LARGE1: variants seen among roughly 807,000 people sequenced by gnomAD.
LARGE1 encodes xylosyl- and glucuronyltransferase LARGE1.
LARGE1 carries 43 observed loss-of-function variants against 87.6 expected under a neutral mutation model. The observed-to-expected ratio is 0.49, with a 90% CI of 0.38 to 0.63. LARGE1 has a LOEUF of 0.63. Among genes scored for constraint, LARGE1 ranks in the 30% least tolerant of loss-of-function variants. The pLI is 0.00. For missense variants in LARGE1, 802 were observed against 1,000.2 expected (o/e 0.80, Z 2.67); for synonymous variants, 434 against 394.6 (o/e 1.10, Z -1.18).
At chr22:33,827,855 G>A (rs566425045) in intron 1 of LARGE1, among the ~76,000 whole-genome samples, 14 of 152,238 alleles carry the variant, frequency 9.2e-5, no homozygotes, top group Middle Eastern at 3.4e-3. Context: ...CTAGAGTTTC[G>A]GATTATAGAG....
chr22:33,642,733 A>AAAAAAAAAAAAT (rs2080480874), intron 3 of LARGE1, among the ~76,000 whole-genome samples: 1 of 149,344 alleles, frequency 6.7e-6, no homozygotes, highest in African/African-American at 2.5e-5. Flanking sequence ...AAAAAAAAAA[A>AAAAAAAAAAAAT]AAGGCAGGAG....
the LARGE1 span, among the ~76,000 whole-genome samples, chr22:33,075,482 C>T: frequency 6.6e-6 from 1 of 152,206 alleles, no homozygotes; most frequent in East Asian, 1.9e-4. Context: ...GAGAAATTGT[C>T]TCATTATTCC....
chr22:33,595,995 T>A (rs1432519147), intron 5 of LARGE1, among the ~76,000 whole-genome samples: 1 of 152,192 alleles, frequency 6.6e-6, no homozygotes, highest in East Asian at 1.9e-4. Flanking sequence ...CAGGGTCCTT[T>A]GGGAGGTAAT....
At chr22:33,658,773 A>T (rs1369349681) in intron 2 of LARGE1, among the ~76,000 whole-genome samples, 2 of 152,166 alleles carry the variant, frequency 1.3e-5, no homozygotes, top group Non-Finnish European at 2.9e-5. Flanking sequence ...TTTGTAACAG[A>T]ATGATTTATA....
intron 2 of LARGE1, among the ~76,000 whole-genome samples, chr22:33,677,820 T>C (rs1329498265): frequency 1.3e-5 from 2 of 152,202 alleles, no homozygotes; most frequent in Non-Finnish European, 2.9e-5. Flanking sequence ...ATTAGTCACA[T>C]GGGAGCACAA....
At chr22:33,220,263 G>T (rs1185192104) in intron 11 of LARGE1, among the ~76,000 whole-genome samples, 2 of 152,160 alleles carry the variant, frequency 1.3e-5, no homozygotes, top group Admixed American at 1.3e-4. Flanking sequence ...ATCTCTCTAG[G>T]GAGAGATATT....
chr22:33,167,880 A>T (rs1922355748), intron 11 of LARGE1, among the ~76,000 whole-genome samples: 1 of 152,130 alleles, frequency 6.6e-6, no homozygotes, highest in South Asian at 2.1e-4. Context: ...GCCTCAGGAG[A>T]TAATGTCAGA....
chr22:33,486,748 C>T (rs2069597916), intron 6 of LARGE1, among the ~76,000 whole-genome samples: 1 of 152,164 alleles, frequency 6.6e-6, no homozygotes, highest in Non-Finnish European at 1.5e-5. Context: ...TTGATCTAGT[C>T]ATCTTCATTG....
chr22:33,421,242 CAATA>C (rs1273919781), intron 7 of LARGE1, among the ~76,000 whole-genome samples: 4 of 145,098 alleles, frequency 2.8e-5, no homozygotes, highest in Admixed American at 1.4e-4. Flanking sequence ...ATCAATCAAT[CAATA>C]AAGGAGTGGG....
At chr22:33,918,624 T>C (rs1401573789) in intron 1 of LARGE1, among the ~76,000 whole-genome samples, 3 of 152,176 alleles carry the variant, frequency 2.0e-5, no homozygotes, top group Admixed American at 6.5e-5. Context: ...AATTCATTCA[T>C]GTCACCCATT....
chr22:33,581,457 T>C (rs1014354854), intron 5 of LARGE1, among the ~76,000 whole-genome samples: 1 of 152,166 alleles, frequency 6.6e-6, no homozygotes, highest in African/African-American at 2.4e-5. Flanking sequence ...AAAGTAACTT[T>C]GTTTAGAAAT....
At chr22:33,498,676 T>C (rs1041318110) in intron 6 of LARGE1, among the ~76,000 whole-genome samples, 1 of 152,062 alleles carries the variant, frequency 6.6e-6, no homozygotes, top group South Asian at 2.1e-4. Context: ...GTGTTCTTTA[T>C]AAAAAATAAA....
At chr22:33,604,702 C>A in intron 4 of LARGE1, 144 bp from the exon 5 acceptor site, 1 of 1,132,552 alleles carries the variant, frequency 8.8e-7, no homozygotes. Context: ...GTTACGAAAA[C>A]AGTGCTCACT....
At chr22:33,512,662 G>C (rs1253214862) in intron 6 of LARGE1, among the ~76,000 whole-genome samples, 1 of 152,146 alleles carries the variant, frequency 6.6e-6, no homozygotes, top group African/African-American at 2.4e-5. Context: ...ATTTAGCCGG[G>C]AGTGGTGGCA....
chr22:33,466,508 G>T (rs5754566), intron 6 of LARGE1, among the ~76,000 whole-genome samples: 31,415 of 151,624 alleles, frequency 0.21, 3,352 homozygotes, highest in East Asian at 0.28. Flanking sequence ...AAAAAGGAAG[G>T]CTGCATTAAA....
At chr22:33,136,547 C>T in the LARGE1 span, among the ~76,000 whole-genome samples, 37 of 152,070 alleles carry the variant, frequency 2.4e-4, no homozygotes, top group Admixed American at 2.3e-3. Context: ...AACCATATCA[C>T]CAACAAAGCA....
chr22:33,826,886 G>A (rs2062807017), intron 1 of LARGE1, among the ~76,000 whole-genome samples: 1 of 152,000 alleles, frequency 6.6e-6, no homozygotes, highest in Admixed American at 6.5e-5. Flanking sequence ...ACAGATAAAT[G>A]AGAGTCAACA....
chr22:33,159,583 ATTTTTTTTTT>A (rs768251168), downstream of LARGE1, among the ~76,000 whole-genome samples: 5 of 143,524 alleles, frequency 3.5e-5, no homozygotes, highest in African/African-American at 1.3e-4. Context: ...ATCAATTTAA[ATTTTTTTTTT>A]TTTTTTTTGG....
At chr22:33,908,386 C>T (rs185794902) in intron 1 of LARGE1, among the ~76,000 whole-genome samples, 5 of 152,178 alleles carry the variant, frequency 3.3e-5, no homozygotes, top group Non-Finnish European at 7.4e-5. Flanking sequence ...ACTACCTGAG[C>T]TGGGTTCTGA....
Sources: gnomAD v4.1 joint callset for allele counts (sites outside exome capture counted in the v4.1 genomes callset) on GRCh38, gnomAD v4.1.1 for gene constraint, MANE v1.5 for transcripts, NCBI Gene and HGNC (gene_info 2026-07-23, HGNC 2026-07-21) for gene names.